SLC35A1: variants seen among roughly 807,000 people sequenced by gnomAD.
SLC35A1 encodes CMP-sialic acid transporter.
In SLC35A1, 21 loss-of-function variants were observed where a neutral mutation model predicts 40.3. The observed-to-expected ratio is 0.52, with a 90% confidence interval of 0.37 to 0.75. SLC35A1 has a LOEUF of 0.75. SLC35A1 is among the 30% of genes least tolerant of loss of function. The pLI is 0.00. For missense variants in SLC35A1, 297 were observed against 382.1 expected, an observed-to-expected ratio of 0.78 and a Z score of 1.86; for synonymous variants, 146 against 147.3, an observed-to-expected ratio of 0.99 and a Z score of 0.06.
chr6:87,503,681 C>T (rs1769989698), intron 4 of SLC35A1, among the ~76,000 whole-genome samples: 1 of 152,086 alleles, frequency 6.6e-6, no homozygotes, highest in African/African-American at 2.4e-5. Flanking sequence ...CACTGCACAC[C>T]AGCTCGAGTG....
intron 2 of SLC35A1, 136 bp downstream of exon 2, chr6:87,477,675 C>CA: frequency 2.6e-6 from 2 of 760,462 alleles, no homozygotes; most frequent in Non-Finnish European, 4.4e-6. Context: ...TTTTGCCCCC[C>CA]AGAAGATTTT....
At chr6:87,498,831 A>G (rs370142608) in intron 2 of SLC35A1, among the ~76,000 whole-genome samples, 2 of 152,002 alleles carry the variant, frequency 1.3e-5, no homozygotes, top group African/African-American at 2.4e-5. Flanking sequence ...TTAGATTTGC[A>G]TTAAGCAGTT....
chr6:87,500,738 T>C, intron 3 of SLC35A1, 71 bp downstream of exon 3: 1 of 1,451,776 alleles, frequency 6.9e-7, no homozygotes, highest in Non-Finnish European at 9.5e-7. Context: ...TAACTCTTTA[T>C]CATATTATCA....
At position 87,511,429 on chromosome 6, in the gene SLC35A1, T is replaced by C; in HGVS notation, c.917T>C (p.Val306Ala). The C allele has an allele frequency of 6.2e-7, 1 of 1,613,914 alleles. No homozygotes were observed. The highest frequency in any genetic ancestry group is 1.1e-5 in the South Asian group (1 of 91,076). The stretch of plus-strand genomic sequence containing the variant: ...ACCTTTGCCCTGGGTACTCTTCTTG[T>C]ATGTGTTTCCATATATCTCTATGGA... ...TLTFALGTLL[V>A]CVSIYLYGLP... Residue 306 changes from valine (V) to alanine (A), a missense_variant, in exon 8 of 8, where the codon GTA becomes GCA. Physicochemically the swap from Val to Ala is moderately conservative, Grantham distance 64 (BLOSUM62 0). Transcript: ENST00000369552.
At position 87,506,536 on chromosome 6, in the gene SLC35A1, TCA is replaced by T. The variant is rs1254840989; in HGVS notation, c.574+89_574+90del. 6 of 1,037,900 alleles carry T rather than the reference TCA, an allele frequency of 5.8e-6. No individual in the cohort carries two copies. The Admixed American group carries it at 6.8e-5, about 12-fold the overall frequency. The allele number at this position is 1,037,900 out of a possible 1,614,324, so 64.3% of individuals were successfully genotyped here. ...CACCAGTCTAGTTTATCTTGCTTTCTCAGTTTTATTCCCATTAAACTTGATCT... is the reference window on the plus strand; with the variant it reads ...CACCAGTCTAGTTTATCTTGCTTTCTGTTTTATTCCCATTAAACTTGATCT... On this transcript the variant is annotated intron_variant, in intron 5 of 7. Coordinates refer to ENST00000369552, the MANE Select transcript of SLC35A1 (RefSeq NM_006416.5).
At chr6:87,483,702 G>A (rs1457088571) in intron 2 of SLC35A1, among the ~76,000 whole-genome samples, 4 of 152,036 alleles carry the variant, frequency 2.6e-5, no homozygotes, top group African/African-American at 7.2e-5. Context: ...TGCCTGCTCC[G>A]GAAGCCTCAA....
intron 2 of SLC35A1, among the ~76,000 whole-genome samples, chr6:87,495,861 A>T (rs1348447776): frequency 1.3e-5 from 2 of 151,906 alleles, no homozygotes; most frequent in Non-Finnish European, 2.9e-5. Flanking sequence ...TTCACCGTGT[A>T]AATCAGGATG....
At chr6:87,479,330 A>G (rs959031580) in intron 2 of SLC35A1, among the ~76,000 whole-genome samples, 3 of 152,126 alleles carry the variant, frequency 2.0e-5, no homozygotes, top group African/African-American at 7.2e-5. Flanking sequence ...AGTAAGTGCC[A>G]TTTCTATGAG....
chr6:87,507,262 G>A (rs757597778), intron 5 of SLC35A1, among the ~76,000 whole-genome samples: 20 of 152,108 alleles, frequency 1.3e-4, no homozygotes, highest in Non-Finnish European at 2.8e-4. Flanking sequence ...AATACTGCTT[G>A]TAAATAAGAT....
At chr6:87,481,416 TC>T (rs781268375) in intron 2 of SLC35A1, among the ~76,000 whole-genome samples, 80 of 135,100 alleles carry the variant, frequency 5.9e-4, no homozygotes, top group African/African-American at 2.1e-3. Flanking sequence ...AAACTCTGAC[TC>T]AAAAAAAAAA....
intron 4 of SLC35A1, among the ~76,000 whole-genome samples, chr6:87,503,042 T>C (rs1357300315): frequency 5.3e-5 from 8 of 152,190 alleles, no homozygotes; most frequent in Non-Finnish European, 1.0e-4. Context: ...AGCTTCTCCT[T>C]TGGGTATTAC....
intron 2 of SLC35A1, among the ~76,000 whole-genome samples, chr6:87,499,770 G>A (rs564096514): frequency 1.3e-5 from 2 of 151,834 alleles, no homozygotes; most frequent in African/African-American, 2.4e-5. Context: ...CCCACTTAAC[G>A]AACTACCAAA....
chr6:87,505,310 A>G (rs1032617326), intron 4 of SLC35A1, among the ~76,000 whole-genome samples: 4 of 152,178 alleles, frequency 2.6e-5, no homozygotes, highest in African/African-American at 9.7e-5. Flanking sequence ...TACTATTGAG[A>G]TAGTATTTAT....
chr6:87,500,679 T>A lies in SLC35A1; in HGVS notation c.354+12T>A. ...CAGCAGTGTACCAGGTAAGTGGAGT[T>A]AATGATAATGAAAAGCACAGAATCT... On this transcript the variant is annotated intron_variant, in intron 3 of 7. Coordinates refer to ENST00000369552, the MANE Select transcript of SLC35A1 (RefSeq NM_006416.5). 6.2e-7 allele frequency: 1 copy of A among 1,613,504 alleles called. No individual in the cohort carries two copies. Among genetic ancestry groups the A allele is most frequent in the Non-Finnish European group, 8.5e-7 (1 of 1,179,476 alleles).
In SLC35A1 at chr6:87,508,476, A is replaced by AT. The variant is rs1554166857; in HGVS notation, c.633dup (p.Gln212SerfsTer21). ...AGATACTTCTCTTTGGGTGAGAAAC[A>AT]TTCAAATGTATCTATCAGGGATTAT... is the stretch of plus-strand genomic sequence containing the variant. On this transcript the variant is annotated frameshift_variant, in exon 6 of 8. Coordinates refer to ENST00000369552, the MANE Select transcript of SLC35A1 (RefSeq NM_006416.5). LOFTEE classifies it high-confidence loss of function. 6.2e-7 allele frequency: 1 copy of AT among 1,612,714 alleles called. No homozygotes were observed. The highest frequency in any genetic ancestry group is 1.3e-5 in the African/African-American group (1 of 75,024).
intron 4 of SLC35A1, among the ~76,000 whole-genome samples, chr6:87,502,628 T>C (rs1204199551): frequency 6.6e-6 from 1 of 152,236 alleles, no homozygotes. Context: ...AATATAGTTT[T>C]ATCTTACAGG....
chr6:87,482,287 C>A (rs918056129), intron 2 of SLC35A1, among the ~76,000 whole-genome samples: 13 of 139,832 alleles, frequency 9.3e-5, no homozygotes, highest in African/African-American at 3.5e-4. Flanking sequence ...TTTTCCAAAG[C>A]AAACTTCCTT....
Position 87,511,139 on chromosome 6 carries a change from C to CAGAT in SLC35A1, c.887-257_887-254dup, listed in dbSNP as rs769295734. 4.6e-5 allele frequency among the ~76,000 whole-genome samples: 7 copies of CAGAT among 152,134 alleles called. No homozygotes were observed. The East Asian group carries it at 1.2e-3, about 25-fold the overall frequency. On this transcript the variant is annotated intron_variant, in intron 7 of 7. Transcript: ENST00000369552. Reference sequence around the variant, plus strand: ...TAGTTATGTTCTTTGTCAGAGTGGTCAGATAGTGTCAGTTAGGCATACTCA... The same window carrying CAGAT: ...TAGTTATGTTCTTTGTCAGAGTGGTCAGATAGATAGTGTCAGTTAGGCATACTCA...
intron 7 of SLC35A1, among the ~76,000 whole-genome samples, 178 bp from the exon 8 acceptor site, chr6:87,511,221 C>G (rs1008377754): frequency 1.3e-5 from 2 of 152,044 alleles, no homozygotes; most frequent in East Asian, 3.8e-4. Context: ...TTTTACCCGC[C>G]CTGCCTCCCC....
Sources: allele counts gnomAD v4.1 joint callset (sites outside exome capture counted in the v4.1 genomes callset), GRCh38; gene constraint gnomAD v4.1.1; transcripts MANE v1.5; gene names NCBI Gene and HGNC (gene_info 2026-07-23, HGNC 2026-07-21).